Variants in GLT1D1 observed in about 807,000 individuals in gnomAD.
GLT1D1 encodes glycosyltransferase 1 domain-containing protein 1.
A neutral mutation model predicts 28.7 loss-of-function variants in GLT1D1; 21 were observed. The observed-to-expected ratio is 0.73, with a 90% CI of 0.52 to 1.05. The LOEUF (loss-of-function observed/expected upper bound fraction) is 1.05, where lower values mean the gene tolerates loss of function less well. Among genes scored for constraint, GLT1D1 ranks in the 50% least tolerant of loss-of-function variants. The probability of loss-of-function intolerance (pLI) is 0.00; values close to 1 mark genes in which losing one functional copy is unlikely to be tolerated. For synonymous variants in GLT1D1, 147 were observed against 124.8 expected, an observed-to-expected ratio of 1.18 and a Z score of -1.19; for missense variants, 343 against 330.6, an observed-to-expected ratio of 1.04 and a Z score of -0.29.
intron 4 of GLT1D1, among the ~76,000 whole-genome samples, chr12:128,941,905 C>CTTTTTTTTTTTTTTTTTTTTTT (rs60663875): frequency 2.7e-3 from 205 of 75,352 alleles, no homozygotes; most frequent in Middle Eastern, 9.4e-3. Context: ...CTCTCTCTCT[C>CTTTTTTTTTTTTTTTTTTTTTT]TTTTTTTTTT....
chr12:128,957,538 C>G lies in GLT1D1; in HGVS notation c.541-7C>G, dbSNP rs369041676. On this transcript the variant is annotated splice_region_variant and splice_polypyrimidine_tract_variant and intron_variant, in intron 6 of 7. Coordinates refer to ENST00000281703, the MANE Select transcript of GLT1D1 (RefSeq NM_144669.3). Reference sequence around the variant, plus strand: ...CCTTCCACCCCCTTTTCTCCTGTCTCCTCCAGGCAATGGATTTAGAAGTAC... The same window carrying G: ...CCTTCCACCCCCTTTTCTCCTGTCTGCTCCAGGCAATGGATTTAGAAGTAC... 6.2e-6 allele frequency: 10 copies of G among 1,603,226 alleles called. No individual in the cohort carries two copies. The highest frequency in any genetic ancestry group is 8.5e-6 in the Non-Finnish European group (10 of 1,170,284).
At chr12:128,949,615 G>A (rs182977540) in intron 6 of GLT1D1, among the ~76,000 whole-genome samples, 6 of 152,224 alleles carry the variant, frequency 3.9e-5, no homozygotes, top group East Asian at 1.9e-4. Flanking sequence ...CGTGGGCAGC[G>A]GGGTGAACAA....
At chr12:128,942,788 C>A (rs1272323260) in intron 4 of GLT1D1, among the ~76,000 whole-genome samples, 1 of 142,290 alleles carries the variant, frequency 7.0e-6, no homozygotes, top group Non-Finnish European at 1.5e-5. Flanking sequence ...TCTCGCTCTG[C>A]CCCCCAGGCT....
chr12:128,857,265 C>A (rs1377186955), intron 1 of GLT1D1, among the ~76,000 whole-genome samples: 1 of 151,752 alleles, frequency 6.6e-6, no homozygotes, highest in Non-Finnish European at 1.5e-5. Context: ...TCTTGCTAGG[C>A]CTTGGGGCTA....
intron 1 of GLT1D1, among the ~76,000 whole-genome samples, chr12:128,855,836 T>A (rs1422442590): frequency 7.3e-6 from 1 of 136,296 alleles, no homozygotes. Flanking sequence ...CACTGCAACC[T>A]CTGCCCCCCG....
In GLT1D1 at chr12:128,911,989, G is replaced by A. The variant is rs1277174194; in HGVS notation, c.375+12702G>A. 7.7e-4 allele frequency among the ~76,000 whole-genome samples: 117 copies of A among 151,990 alleles called. 1 individual carries two copies. The highest frequency in any genetic ancestry group is 2.9e-5 in the Non-Finnish European group (2 of 67,976). On this transcript the variant is annotated intron_variant, in intron 4 of 7. Coordinates refer to ENST00000281703, the MANE Select transcript of GLT1D1 (RefSeq NM_144669.3). ...TGCTCCTTTCTTCTTTTTTTCTGGG[G>A]GTGGTGGAAGCAGTCTTCCCCTCAG...
intron 1 of GLT1D1, among the ~76,000 whole-genome samples, chr12:128,855,253 C>CAAA (rs1033892275): frequency 7.5e-6 from 1 of 132,944 alleles, no homozygotes; most frequent in African/African-American, 2.8e-5. Context: ...ACAACAACAA[C>CAAA]AACAAAAAAA....
intron 7 of GLT1D1, among the ~76,000 whole-genome samples, chr12:128,965,210 G>A (rs10847724): frequency 0.63 from 95,992 of 152,106 alleles, 31,250 homozygotes; most frequent in Admixed American, 0.75. Context: ...TAGATCTAGA[G>A]GTCAAGGACA....
chr12:128,935,309 A>C (rs1874430755), intron 4 of GLT1D1, among the ~76,000 whole-genome samples: 1 of 152,116 alleles, frequency 6.6e-6, no homozygotes, highest in African/African-American at 2.4e-5. Flanking sequence ...TGGGAGGCTG[A>C]GGTGGGCGGA....
intron 4 of GLT1D1, among the ~76,000 whole-genome samples, chr12:128,921,834 G>A (rs973698042): frequency 2.6e-5 from 4 of 151,768 alleles, no homozygotes; most frequent in African/African-American, 9.7e-5. Flanking sequence ...TCTTCATCTT[G>A]ACGTCACCTG....
At chr12:128,944,820 A>G (rs1034898963) in intron 4 of GLT1D1, 11 of 242,856 alleles carry the variant, frequency 4.5e-5, no homozygotes, top group African/African-American at 2.5e-4. Flanking sequence ...ATATATATAT[A>G]AAGTTCTGGG....
chr12:128,977,076 G>A (rs1879837847), intron 7 of GLT1D1, among the ~76,000 whole-genome samples: 1 of 152,208 alleles, frequency 6.6e-6, no homozygotes, highest in Non-Finnish European at 1.5e-5. Context: ...ACCCCGGGAG[G>A]CAGAGGTTGC....
chr12:128,901,043 C>T (rs940166292), intron 4 of GLT1D1, among the ~76,000 whole-genome samples: 7 of 152,180 alleles, frequency 4.6e-5, no homozygotes, highest in East Asian at 3.8e-4. Flanking sequence ...TCAGGGCCTC[C>T]GCCAAGTCAA....
In GLT1D1 at chr12:128,982,943, G is replaced by C; in HGVS notation, c.654G>C (p.Leu218=). The change falls in exon 8 of 8, where the codon CTG becomes CTC. Residue 218 remains leucine, a synonymous_variant. Transcript: ENST00000281703. ...CTTTTTTGCAGGAGTTTGTTCATCT[G>C]GCAAAGAGACTGGTTAGTGATCCTG... The C allele has an allele frequency of 6.2e-7, 1 of 1,614,050 alleles. No individual in the cohort carries two copies.
chr12:128,977,357 T>C (rs1879862618), intron 7 of GLT1D1, among the ~76,000 whole-genome samples: 1 of 152,154 alleles, frequency 6.6e-6, no homozygotes, highest in African/African-American at 2.4e-5. Context: ...TGCATGATTA[T>C]TATTATTATT....
intron 5 of GLT1D1, 61 bp from the exon 10 acceptor site, chr12:128,947,277 C>T: frequency 6.2e-7 from 1 of 1,608,116 alleles, no homozygotes; most frequent in Non-Finnish European, 8.5e-7. Flanking sequence ...CTCTCCTCCT[C>T]CCAGCTGCCT....
chr12:128,924,532 C>T (rs1372254670), intron 4 of GLT1D1, among the ~76,000 whole-genome samples: 5 of 152,008 alleles, frequency 3.3e-5, no homozygotes, highest in African/African-American at 1.2e-4. Flanking sequence ...CCTTGGCTCA[C>T]TGCAACCTCC....
chr12:128,886,878 C>G (rs11059996), intron 2 of GLT1D1, among the ~76,000 whole-genome samples: 35,186 of 152,002 alleles, frequency 0.23, 4,452 homozygotes, highest in Admixed American at 0.3. Flanking sequence ...GCCTAAACCC[C>G]TGGTGAACCA....
intron 1 of GLT1D1, among the ~76,000 whole-genome samples, chr12:128,869,579 T>C (rs938890500): frequency 6.6e-6 from 1 of 152,100 alleles, no homozygotes; most frequent in African/African-American, 2.4e-5. Flanking sequence ...ATATAATTTA[T>C]ATATTTACGT....
Sources: gnomAD v4.1 joint callset for allele counts (sites outside exome capture counted in the v4.1 genomes callset) on GRCh38, gnomAD v4.1.1 for gene constraint, MANE v1.5 for transcripts, NCBI Gene and HGNC (gene_info 2026-07-23, HGNC 2026-07-21) for gene names.